ATP8A2: variants seen among roughly 807,000 people sequenced by gnomAD.
ATP8A2 encodes phospholipid-transporting ATPase IB.
ATP8A2 carries 100 observed loss-of-function variants against 165.6 expected under a neutral mutation model. That is an observed-to-expected ratio of 0.60 (90% CI 0.51 to 0.71). The LOEUF is 0.71. ATP8A2 is among the 30% of genes least tolerant of loss of function. The pLI, the probability that ATP8A2 is intolerant of heterozygous loss-of-function variation, is 0.00. For synonymous variants in ATP8A2, 543 were observed against 548.8 expected, an observed-to-expected ratio of 0.99 and a Z score of 0.15; for missense variants, 1,227 against 1,479.5, an observed-to-expected ratio of 0.83 and a Z score of 2.80.
At chr13:25,819,178 A>G (rs1015115379) in intron 27 of ATP8A2, among the ~76,000 whole-genome samples, 9 of 152,134 alleles carry the variant, frequency 5.9e-5, no homozygotes, top group Admixed American at 1.3e-4. Context: ...GATTCTGTGC[A>G]TTGCTCTGTA....
chr13:25,977,661 T>C (rs1956085981), intron 35 of ATP8A2, among the ~76,000 whole-genome samples: 1 of 152,224 alleles, frequency 6.6e-6, no homozygotes, highest in Admixed American at 6.5e-5. Context: ...TTATTGTTCT[T>C]ATGGACCGAT....
chr13:25,968,525 T>C (rs1955835795), intron 34 of ATP8A2, 50 bp from the exon 35 acceptor site: 1 of 1,525,670 alleles, frequency 6.6e-7, no homozygotes, highest in Non-Finnish European at 9.0e-7. Flanking sequence ...CTTTCCCAGC[T>C]GTGTCAAGTC....
At chr13:25,582,291 C>G (rs1461004753) in intron 23 of ATP8A2, among the ~76,000 whole-genome samples, 1 of 152,168 alleles carries the variant, frequency 6.6e-6, no homozygotes, top group Admixed American at 6.5e-5. Flanking sequence ...TTTAAATATG[C>G]GTTATTATTT....
rs1306203353 is a variant in ATP8A2 at position 25,978,172 on chromosome 13, G to T, written c.3377+9493G>T. Among the ~76,000 whole-genome samples the T allele has an allele frequency of 2.2e-4, 34 of 152,030 alleles. 1 individual carries two copies. The highest frequency in any genetic ancestry group is 2.2e-3 in the Admixed American group (34 of 15,256). ...TAGTTTTATTTAACCCACTTGAGCA[G>T]CAATAGAAACATTTAAAGGTAGATT... On this transcript the variant is annotated intron_variant, in intron 35 of 36. Transcript: ENST00000381655.
chr13:25,468,898 C>T (rs539394433), intron 1 of ATP8A2, 79 bp from the exon 2 acceptor site: 5 of 1,572,760 alleles, frequency 3.2e-6, no homozygotes, highest in East Asian at 2.4e-5. Flanking sequence ...GCCGCCCGCC[C>T]GCGGCCCGCG....
intron 24 of ATP8A2, among the ~76,000 whole-genome samples, chr13:25,593,974 T>C (rs529293216): frequency 6.6e-6 from 1 of 152,340 alleles, no homozygotes; most frequent in South Asian, 2.1e-4. Context: ...ACTTGATAGT[T>C]AAAACAGTGA....
Position 25,763,306 on chromosome 13 carries a change from C to T in ATP8A2, c.2385-5740C>T, listed in dbSNP as rs187487776. On this transcript the variant is annotated intron_variant, in intron 25 of 36. Transcript: ENST00000381655. ...TGTGAGGCTGCCTCTTGGTCAAACA[C>T]TGCATTCTTTGAAATAAAAACTGAA... is the stretch of plus-strand genomic sequence containing the variant. Among the ~76,000 whole-genome samples, 187 of 152,282 alleles carry T rather than the reference C, an allele frequency of 1.2e-3. 1 individual carries two copies. Among genetic ancestry groups the T allele is most frequent in the African/African-American group, 4.3e-3 (179 of 41,564 alleles).
intron 1 of ATP8A2, among the ~76,000 whole-genome samples, chr13:25,430,329 G>A (rs2034573635): frequency 6.6e-6 from 1 of 152,168 alleles, no homozygotes; most frequent in South Asian, 2.1e-4. Flanking sequence ...GGGGCAGGAA[G>A]GAAACAACCA....
chr13:25,419,290 A>G (rs147683905), intron 1 of ATP8A2, among the ~76,000 whole-genome samples: 179 of 152,284 alleles, frequency 1.2e-3, no homozygotes, highest in Non-Finnish European at 2.0e-3. Flanking sequence ...CATCTAAAAC[A>G]TGGAGAAATA....
intron 24 of ATP8A2, among the ~76,000 whole-genome samples, chr13:25,629,947 C>T (rs139197224): frequency 1.1e-4 from 16 of 152,164 alleles, no homozygotes; most frequent in East Asian, 3.9e-4. Flanking sequence ...GCAAAGTCAA[C>T]GACTTTAGAG....
At chr13:25,827,896 A>G (rs1253526403) in intron 27 of ATP8A2, among the ~76,000 whole-genome samples, 1 of 152,222 alleles carries the variant, frequency 6.6e-6, no homozygotes, top group Non-Finnish European at 1.5e-5. Context: ...ATTATCTCTG[A>G]AAGTAGATGT....
chr13:25,729,296 C>T (rs1485884177), intron 25 of ATP8A2, among the ~76,000 whole-genome samples: 1 of 152,184 alleles, frequency 6.6e-6, no homozygotes, highest in Non-Finnish European at 1.5e-5. Context: ...GTTTCTGTGA[C>T]TGTATCTCAG....
chr13:25,604,222 CAAG>C (rs1342791689), intron 24 of ATP8A2, among the ~76,000 whole-genome samples: 3 of 152,066 alleles, frequency 2.0e-5, no homozygotes, highest in Non-Finnish European at 4.4e-5. Context: ...CAAAGTCTTT[CAAG>C]AAGAAGGGAA....
intron 25 of ATP8A2, among the ~76,000 whole-genome samples, chr13:25,716,347 CT>C (rs975296907): frequency 6.6e-6 from 1 of 151,930 alleles, no homozygotes; most frequent in African/African-American, 2.4e-5. Flanking sequence ...AGTTTATCTA[CT>C]TTTTTTTGTT....
intron 25 of ATP8A2, among the ~76,000 whole-genome samples, chr13:25,751,716 T>A (rs992087425): frequency 6.6e-6 from 1 of 152,206 alleles, no homozygotes; most frequent in Admixed American, 6.5e-5. Flanking sequence ...CCCAAAGTGC[T>A]GGGATTAAGC....
At chr13:25,489,682 G>C (rs2036462908) in intron 2 of ATP8A2, among the ~76,000 whole-genome samples, 1 of 152,220 alleles carries the variant, frequency 6.6e-6, no homozygotes, top group Admixed American at 6.5e-5. Context: ...CAGAAAATGA[G>C]AATTGGCTTA....
At chr13:26,018,040 CT>C (rs1957021340) in intron 36 of ATP8A2, among the ~76,000 whole-genome samples, 1 of 152,230 alleles carries the variant, frequency 6.6e-6, no homozygotes, top group African/African-American at 2.4e-5. Flanking sequence ...CTTGTATCAC[CT>C]TCTCTCCCGC....
In ATP8A2 at chr13:25,795,287, G is replaced by A. The variant is rs187401734; in HGVS notation, c.2679+20328G>A. Among the ~76,000 whole-genome samples, 351 of 152,158 alleles carry A rather than the reference G, an allele frequency of 2.3e-3. 2 individuals are homozygous for A. Among genetic ancestry groups the A allele is most frequent in the Non-Finnish European group, 3.9e-3 (262 of 67,980 alleles). ...CCTCACTATTTTTGAGTTTTAAGAA[G>A]ATATTTAAAATGCTTATGTTTCTAT... is the stretch of plus-strand genomic sequence containing the variant. On this transcript the variant is annotated intron_variant, in intron 27 of 36. Coordinates refer to ENST00000381655, the MANE Select transcript of ATP8A2 (RefSeq NM_016529.6).
chr13:26,025,347 C>G lies in ATP8A2; in HGVS notation c.*5362C>G, dbSNP rs966061563. The G allele has an allele frequency of 6.6e-6, 1 of 152,216 alleles. No homozygotes were observed. The highest frequency in any genetic ancestry group is 1.5e-5 in the Non-Finnish European group (1 of 68,066). The allele number at this position is 152,216 out of a possible 1,614,324, so 9.4% of individuals were successfully genotyped here. A position where few individuals can be genotyped will look rare whatever the true frequency, so the allele number is the denominator to read the frequency against. The stretch of plus-strand genomic sequence containing the variant: ...CTCTGAGCCTCCCTCTCAAGGGCCA[C>G]GCAGGCAGCTGCAGCAGGGCCAGCT... On this transcript the variant is annotated 3_prime_UTR_variant, in exon 37 of 37. Coordinates refer to ENST00000381655, the MANE Select transcript of ATP8A2 (RefSeq NM_016529.6).
Sources: gnomAD v4.1 joint callset for allele counts (sites outside exome capture counted in the v4.1 genomes callset) on GRCh38, gnomAD v4.1.1 for gene constraint, MANE v1.5 for transcripts, NCBI Gene and HGNC (gene_info 2026-07-23, HGNC 2026-07-21) for gene names.